PDE1A: variants seen among roughly 807,000 people sequenced by gnomAD.
PDE1A encodes the protein phosphodiesterase 1A.
Under a neutral mutation model 61.7 loss-of-function variants are expected in PDE1A, and 35 were observed. That is an observed-to-expected ratio of 0.57 (90% CI 0.43 to 0.75). The LOEUF (loss-of-function observed/expected upper bound fraction) is 0.75. Ranked by LOEUF, PDE1A falls within the 30% of genes least tolerant of loss-of-function variation. PDE1A has a pLI of 0.00. For missense variants in PDE1A, 597 were observed against 630.6 expected (o/e 0.95, Z 0.57); for synonymous variants, 232 against 213.2 (o/e 1.09, Z -0.77).
chr2:182,416,639 GA>G (rs554733069), intron 1 of PDE1A, among the ~76,000 whole-genome samples: 76 of 152,040 alleles, frequency 5.0e-4, no homozygotes, highest in Non-Finnish European at 1.0e-3. Flanking sequence ...AATAAGAAAA[GA>G]AATAATTAAA....
intron 7 of PDE1A, among the ~76,000 whole-genome samples, chr2:182,218,138 A>AAAAC: frequency 6.6e-6 from 1 of 150,880 alleles, no homozygotes; most frequent in East Asian, 2.0e-4. Flanking sequence ...ATGAAATTGG[A>AAAAC]AAACATCATT....
At chr2:182,346,776 A>G (rs1698545403) in intron 1 of PDE1A, among the ~76,000 whole-genome samples, 1 of 152,148 alleles carries the variant, frequency 6.6e-6, no homozygotes, top group South Asian at 2.1e-4. Context: ...TTCCTACTTC[A>G]ATATGAGAAA....
At chr2:182,566,243 A>G in the PDE1A span, among the ~76,000 whole-genome samples, 885 of 152,184 alleles carry the variant, frequency 5.8e-3, 13 homozygotes, top group African/African-American at 0.02. Flanking sequence ...ACCTTAGGCT[A>G]AACTTCTCCT....
At chr2:182,647,339 T>G in the PDE1A span, among the ~76,000 whole-genome samples, 1 of 152,218 alleles carries the variant, frequency 6.6e-6, no homozygotes, top group Non-Finnish European at 1.5e-5. Flanking sequence ...AAGATCAGAA[T>G]TTATTTCTGG....
the PDE1A span, among the ~76,000 whole-genome samples, chr2:182,610,383 G>A: frequency 6.6e-6 from 1 of 152,030 alleles, no homozygotes; most frequent in African/African-American, 2.4e-5. Context: ...AACTATCAGA[G>A]GGCAAAGGGA....
chr2:182,527,371 T>TATATAC (rs1690795330), upstream of PDE1A, among the ~76,000 whole-genome samples: 1 of 78,224 alleles, frequency 1.3e-5, no homozygotes, highest in South Asian at 4.2e-4. Context: ...TATATATATA[T>TATATAC]ATACACATAT....
intron 6 of PDE1A, among the ~76,000 whole-genome samples, chr2:182,225,993 T>C (rs1689110396): frequency 1.3e-5 from 2 of 149,768 alleles, no homozygotes; most frequent in African/African-American, 2.5e-5. Context: ...GAGCCTCCAA[T>C]GTTCCCAATG....
intron 1 of PDE1A, among the ~76,000 whole-genome samples, chr2:182,417,910 G>C (rs546575013): frequency 3.3e-5 from 5 of 152,144 alleles, no homozygotes; most frequent in African/African-American, 7.2e-5. Flanking sequence ...AATTCATTTT[G>C]TGAATCACTG....
At chr2:182,520,860 G>C (rs893018894) in intron 2 of PDE1A, among the ~76,000 whole-genome samples, 14 of 151,912 alleles carry the variant, frequency 9.2e-5, no homozygotes, top group African/African-American at 3.1e-4. Flanking sequence ...TGTTTAATTT[G>C]CATCTATGCT....
At chr2:182,606,001 TTGTCAA>T in the PDE1A span, among the ~76,000 whole-genome samples, 15 of 152,300 alleles carry the variant, frequency 9.8e-5, no homozygotes, top group East Asian at 2.7e-3. Context: ...TCCTGTGACT[TTGTCAA>T]TAGGATATCA....
chr2:182,557,900 A>G, the PDE1A span, among the ~76,000 whole-genome samples: 6 of 152,184 alleles, frequency 3.9e-5, no homozygotes, highest in Non-Finnish European at 7.3e-5. Context: ...AGTAGCTGGC[A>G]GCTATAGCAA....
At chr2:182,229,216 T>G (rs867108999) in intron 6 of PDE1A, among the ~76,000 whole-genome samples, 3 of 152,160 alleles carry the variant, frequency 2.0e-5, no homozygotes, top group Non-Finnish European at 2.9e-5. Context: ...GCAGGAATTT[T>G]TTTTTAAATG....
At chr2:182,376,919 G>C (rs571021378) in intron 1 of PDE1A, among the ~76,000 whole-genome samples, 1 of 152,134 alleles carries the variant, frequency 6.6e-6, no homozygotes, top group African/African-American at 2.4e-5. Context: ...ATCAGATTTC[G>C]TGAGACTTAT....
At chr2:182,203,793 C>A (rs867122798) in intron 8 of PDE1A, among the ~76,000 whole-genome samples, 4 of 151,672 alleles carry the variant, frequency 2.6e-5, no homozygotes, top group African/African-American at 9.7e-5. Flanking sequence ...GATATGTAAA[C>A]AGAAAACATC....
At chr2:182,263,530 T>C (rs1447368078) in intron 2 of PDE1A, among the ~76,000 whole-genome samples, 1 of 152,156 alleles carries the variant, frequency 6.6e-6, no homozygotes, top group African/African-American at 2.4e-5. Context: ...ACCTTTTCCA[T>C]GTCAAATGCT....
intron 1 of PDE1A, among the ~76,000 whole-genome samples, chr2:182,375,453 C>G (rs1173458511): frequency 6.6e-6 from 1 of 152,174 alleles, no homozygotes; most frequent in Non-Finnish European, 1.5e-5. Flanking sequence ...CCAAAATAAT[C>G]TCCTTTGACT....
chr2:182,676,130 A>G, the PDE1A span, among the ~76,000 whole-genome samples: 1 of 152,124 alleles, frequency 6.6e-6, no homozygotes, highest in African/African-American at 2.4e-5. Context: ...AAACCATTCA[A>G]AAGATAAATG....
intron 7 of PDE1A, among the ~76,000 whole-genome samples, chr2:182,220,297 A>G (rs1189743124): frequency 1.3e-5 from 2 of 152,060 alleles, no homozygotes; most frequent in African/African-American, 4.8e-5. Context: ...GTGCATTTCT[A>G]GAAGTTTGCT....
At chr2:182,236,582 G>A (rs1690037714) in intron 3 of PDE1A, among the ~76,000 whole-genome samples, 1 of 152,190 alleles carries the variant, frequency 6.6e-6, no homozygotes, top group Non-Finnish European at 1.5e-5. Context: ...ACTCACTGCT[G>A]TGTGACCTTT....
Sources: allele counts gnomAD v4.1 joint callset (sites outside exome capture counted in the v4.1 genomes callset), GRCh38; gene constraint gnomAD v4.1.1; transcripts MANE v1.5; gene names NCBI Gene and HGNC (gene_info 2026-07-23, HGNC 2026-07-21).